CCDC149: variants seen among roughly 807,000 people sequenced by gnomAD.
The protein encoded by CCDC149 is coiled-coil domain-containing protein 149.
Under a neutral mutation model 59.9 loss-of-function variants are expected in CCDC149, and 45 were observed. The ratio of observed to expected loss-of-function variants is 0.75; its 90% CI spans 0.59 to 0.96. The LOEUF (loss-of-function observed/expected upper bound fraction) is 0.96, where lower values mean the gene tolerates loss of function less well. CCDC149 is among the 40% of genes least tolerant of loss of function. The pLI is 0.00. For synonymous variants in CCDC149, 245 were observed against 260.6 expected, an observed-to-expected ratio of 0.94 and a Z score of 0.58; for missense variants, 584 against 664.7, an observed-to-expected ratio of 0.88 and a Z score of 1.33.
chr4:24,895,081 G>A (rs1720763998), intron 1 of CCDC149: 4 of 1,388,828 alleles, frequency 2.9e-6, no homozygotes, highest in East Asian at 2.5e-5. Flanking sequence ...AGTTAATGAC[G>A]TGGCAACTAT....
intron 2 of CCDC149, among the ~76,000 whole-genome samples, chr4:24,874,244 G>GTTTTTTTTTTTTTTGTTTTTTTTT (rs1719242804): frequency 1.1e-5 from 1 of 87,488 alleles, no homozygotes; most frequent in African/African-American, 5.8e-5. Flanking sequence ...TATTAGATTT[G>GTTTTTTTTTTTTTTGTTTTTTTTT]TTTTTTTTTT....
intron 3 of CCDC149, among the ~76,000 whole-genome samples, chr4:24,859,979 A>G (rs142713576): frequency 3.3e-4 from 51 of 152,332 alleles, no homozygotes; most frequent in African/African-American, 1.0e-3. Context: ...CCGTGCTTTT[A>G]GATAGGTAGA....
chr4:24,895,619 A>G (rs1364102502), intron 1 of CCDC149, among the ~76,000 whole-genome samples: 1 of 152,094 alleles, frequency 6.6e-6, no homozygotes, highest in Admixed American at 6.5e-5. Context: ...ACCTTTCCTC[A>G]TTCACAGGCT....
chr4:24,925,818 A>G (rs967167910), intron 1 of CCDC149, among the ~76,000 whole-genome samples: 1 of 152,194 alleles, frequency 6.6e-6, no homozygotes, highest in Non-Finnish European at 1.5e-5. Context: ...CCCAGAGCCT[A>G]TTTATTAATT....
chr4:24,951,519 G>A (rs899359074), intron 1 of CCDC149, among the ~76,000 whole-genome samples: 12 of 152,110 alleles, frequency 7.9e-5, no homozygotes, highest in African/African-American at 2.7e-4. Context: ...CAGGAAATGG[G>A]AACAAAATTA....
chr4:24,812,723 G>A (rs1421068674), intron 12 of CCDC149, among the ~76,000 whole-genome samples: 2 of 152,200 alleles, frequency 1.3e-5, no homozygotes, highest in African/African-American at 4.8e-5. Flanking sequence ...CACATGGCTG[G>A]GGAGGCCTCA....
At chr4:24,959,816 T>C (rs1356175698) in intron 1 of CCDC149, among the ~76,000 whole-genome samples, 2 of 152,088 alleles carry the variant, frequency 1.3e-5, no homozygotes, top group Non-Finnish European at 2.9e-5. Flanking sequence ...AAAAATACCA[T>C]TTAAAAACAA....
chr4:24,853,605 AAGAG>A (rs1186767630), intron 3 of CCDC149, among the ~76,000 whole-genome samples: 4 of 148,092 alleles, frequency 2.7e-5, no homozygotes, highest in East Asian at 1.9e-4. Flanking sequence ...AAAAAAAAAA[AAGAG>A]AGAGAGAGAG....
At chr4:24,894,568 C>A (rs1720732808) in intron 1 of CCDC149, among the ~76,000 whole-genome samples, 1 of 152,116 alleles carries the variant, frequency 6.6e-6, no homozygotes, top group African/African-American at 2.4e-5. Context: ...AAGAACCTCT[C>A]TCTAAACCCA....
intron 1 of CCDC149, among the ~76,000 whole-genome samples, chr4:24,948,208 G>A (rs1723177732): frequency 6.6e-6 from 1 of 152,158 alleles, no homozygotes; most frequent in African/African-American, 2.4e-5. Flanking sequence ...AAGAGAGAAA[G>A]TTCAAAGGAT....
At chr4:24,853,001 G>A (rs551712644) in intron 4 of CCDC149, 71 bp downstream of exon 4, 406 of 902,178 alleles carry the variant, frequency 4.5e-4, no homozygotes, top group South Asian at 9.8e-4. Flanking sequence ...ACATTTTTCC[G>A]ATGTGCAATA....
Position 24,836,498 on chromosome 4 carries a change from C to G in CCDC149, c.673G>C (p.Glu225Gln), listed in dbSNP as rs1369892048. Residue 225 changes from glutamate to glutamine, a missense_variant, in exon 7 of 13, where the codon GAG becomes CAG. Coordinates refer to ENST00000635206, the MANE Select transcript of CCDC149 (RefSeq NM_001330643.2). Reference sequence around the variant, plus strand: ...TCTTCATGGAGTTGCTTTAATCTCTCTTGAAGGTACCTGAAAAAGAATACA... The same window carrying G: ...TCTTCATGGAGTTGCTTTAATCTCTGTTGAAGGTACCTGAAAAAGAATACA... The G allele has an allele frequency of 6.2e-7, 1 of 1,607,534 alleles. No individual in the cohort carries two copies. Among genetic ancestry groups the G allele is most frequent in the Admixed American group, 1.7e-5 (1 of 59,936 alleles).
intron 1 of CCDC149, among the ~76,000 whole-genome samples, chr4:24,938,752 G>A (rs369519036): frequency 1.8e-4 from 27 of 152,344 alleles, no homozygotes; most frequent in African/African-American, 6.3e-4. Context: ...ATTATATCCC[G>A]CACATGGCTC....
chr4:24,952,090 C>T (rs1723307390), intron 1 of CCDC149, among the ~76,000 whole-genome samples: 1 of 152,086 alleles, frequency 6.6e-6, no homozygotes, highest in African/African-American at 2.4e-5. Flanking sequence ...ATAAAGTCCC[C>T]AACAATTTCT....
At chr4:24,978,738 C>T (rs902993184) in intron 1 of CCDC149, among the ~76,000 whole-genome samples, 6 of 152,200 alleles carry the variant, frequency 3.9e-5, no homozygotes, top group Non-Finnish European at 7.3e-5. Flanking sequence ...GTTTTAGCAT[C>T]CTGTGTGCTT....
At chr4:24,879,642 G>C (rs773194931) in intron 1 of CCDC149, among the ~76,000 whole-genome samples, 8 of 150,658 alleles carry the variant, frequency 5.3e-5, no homozygotes, top group Non-Finnish European at 1.0e-4. Context: ...CCAAGATCAT[G>C]CCACTGCACT....
chr4:24,962,117 A>G (rs984190083), intron 1 of CCDC149, among the ~76,000 whole-genome samples: 2 of 152,082 alleles, frequency 1.3e-5, no homozygotes, highest in African/African-American at 4.8e-5. Context: ...TTTACAAGAA[A>G]AAAACAAACA....
intron 1 of CCDC149, among the ~76,000 whole-genome samples, chr4:24,964,709 T>C (rs968952069): frequency 2.0e-5 from 3 of 152,150 alleles, no homozygotes; most frequent in African/African-American, 7.2e-5. Flanking sequence ...GCAAAAGACA[T>C]GAACTTACAC....
At chr4:24,814,599 T>C (rs1386050372) in intron 12 of CCDC149, among the ~76,000 whole-genome samples, 1 of 152,248 alleles carries the variant, frequency 6.6e-6, no homozygotes, top group East Asian at 1.9e-4. Flanking sequence ...TTACTGGTTC[T>C]GAATCTTTAC....
Sources: allele counts gnomAD v4.1 joint callset (sites outside exome capture counted in the v4.1 genomes callset), GRCh38; gene constraint gnomAD v4.1.1; transcripts MANE v1.5; gene names NCBI Gene and HGNC (gene_info 2026-07-23, HGNC 2026-07-21).